Variants in NFIA observed in about 807,000 individuals in gnomAD.
The protein encoded by NFIA is nuclear factor I A.
Under a neutral mutation model 62.8 loss-of-function variants are expected in NFIA, and 8 were observed. That is an observed-to-expected ratio of 0.13 (90% CI 0.07 to 0.23). NFIA has a LOEUF of 0.23. NFIA is among the 10% of genes least tolerant of loss of function. The pLI is 1.00. For missense variants in NFIA, 410 were observed against 642.1 expected, an observed-to-expected ratio of 0.64 and a Z score of 3.91; for synonymous variants, 235 against 238.1, an observed-to-expected ratio of 0.99 and a Z score of 0.12.
chr1:61,267,580 C>G (rs1657252430), intron 2 of NFIA, among the ~76,000 whole-genome samples: 1 of 152,156 alleles, frequency 6.6e-6, no homozygotes, highest in Non-Finnish European at 1.5e-5. Context: ...CTTAATATTT[C>G]ACTTAAAAAA....
chr1:61,404,301 T>G lies in NFIA; in HGVS notation c.1254+19T>G. 1 of 1,581,970 alleles carries G rather than the reference T, an allele frequency of 6.3e-7. No individual in the cohort carries two copies. Among genetic ancestry groups the G allele is most frequent in the Non-Finnish European group, 8.6e-7 (1 of 1,165,902 alleles). ...CCTCAATGTAAGGAAACCTCTTTTTTTCCATTTCTTTAGAAATGTTAGCCG... is the reference window on the plus strand; with the variant it reads ...CCTCAATGTAAGGAAACCTCTTTTTGTCCATTTCTTTAGAAATGTTAGCCG... On this transcript the variant is annotated intron_variant, in intron 8 of 10. Coordinates refer to ENST00000403491, the MANE Select transcript of NFIA (RefSeq NM_001134673.4).
At chr1:61,179,100 A>G (rs1297929098) in intron 2 of NFIA, among the ~76,000 whole-genome samples, 1 of 152,248 alleles carries the variant, frequency 6.6e-6, no homozygotes, top group Non-Finnish European at 1.5e-5. Flanking sequence ...CAGAGAGACT[A>G]CGGTGTTTGT....
intron 10 of NFIA, among the ~76,000 whole-genome samples, chr1:61,441,455 C>T (rs187028934): frequency 1.4e-4 from 21 of 152,124 alleles, no homozygotes; most frequent in African/African-American, 4.3e-4. Context: ...TTCCCATCTA[C>T]CTTCACAGGC....
chr1:61,269,230 AAAG>A (rs1657365308), intron 2 of NFIA, among the ~76,000 whole-genome samples: 1 of 152,144 alleles, frequency 6.6e-6, no homozygotes, highest in Non-Finnish European at 1.5e-5. Flanking sequence ...AAAAAAAAAA[AAAG>A]AATTGGTTAT....
At chr1:61,388,051 G>T (rs1664791199) in intron 7 of NFIA, among the ~76,000 whole-genome samples, 1 of 152,184 alleles carries the variant, frequency 6.6e-6, no homozygotes, top group African/African-American at 2.4e-5. Flanking sequence ...CTCTCTGATA[G>T]TGGCTTTCTT....
chr1:61,156,834 T>A (rs1445957196), intron 2 of NFIA, among the ~76,000 whole-genome samples: 1 of 152,256 alleles, frequency 6.6e-6, no homozygotes, highest in Admixed American at 6.5e-5. Context: ...AAGGGTTTCC[T>A]CTTTAATTGA....
At chr1:61,284,458 G>A (rs868585725) in intron 3 of NFIA, among the ~76,000 whole-genome samples, 4 of 152,140 alleles carry the variant, frequency 2.6e-5, no homozygotes, top group East Asian at 1.9e-4. Flanking sequence ...CTCTGTGAAA[G>A]ATGAGGTGCC....
At chr1:61,148,993 C>T (rs772679770) in intron 2 of NFIA, among the ~76,000 whole-genome samples, 14 of 152,060 alleles carry the variant, frequency 9.2e-5, no homozygotes, top group Non-Finnish European at 1.5e-4. Flanking sequence ...CTGCCCCAGC[C>T]GCATGAGTAG....
At chr1:61,264,026 G>C (rs977626056) in intron 2 of NFIA, among the ~76,000 whole-genome samples, 7 of 152,016 alleles carry the variant, frequency 4.6e-5, no homozygotes, top group Middle Eastern at 3.2e-3. Context: ...AAATGATACA[G>C]AGTTGAATGA....
intron 4 of NFIA, among the ~76,000 whole-genome samples, chr1:61,348,283 TC>T (rs1662356515): frequency 6.6e-6 from 1 of 152,250 alleles, no homozygotes; most frequent in Non-Finnish European, 1.5e-5. Flanking sequence ...AGGGGGATGT[TC>T]CTTTATAAGA....
At chr1:61,157,949 T>G (rs1008851717) in intron 2 of NFIA, among the ~76,000 whole-genome samples, 1 of 152,234 alleles carries the variant, frequency 6.6e-6, no homozygotes, top group East Asian at 1.9e-4. Context: ...CTCTGTAAAT[T>G]GTTATGTGTG....
chr1:61,077,627 TG>T, upstream of NFIA: 1 of 1,425,398 alleles, frequency 7.0e-7, no homozygotes, highest in Non-Finnish European at 9.3e-7. Flanking sequence ...TACATTGCAA[TG>T]GTACGTGGTA....
intron 3 of NFIA, among the ~76,000 whole-genome samples, chr1:61,283,990 T>C (rs563635630): frequency 4.6e-5 from 7 of 152,326 alleles, no homozygotes; most frequent in African/African-American, 1.4e-4. Flanking sequence ...GAAGGAGCAT[T>C]CTAGCACCAT....
At chr1:61,265,153 C>T (rs995160907) in intron 2 of NFIA, among the ~76,000 whole-genome samples, 3 of 152,148 alleles carry the variant, frequency 2.0e-5, no homozygotes, top group Non-Finnish European at 2.9e-5. Context: ...ACTGGAAAAT[C>T]ACTGACTAAT....
intron 2 of NFIA, among the ~76,000 whole-genome samples, chr1:61,243,582 T>G (rs1421722596): frequency 6.6e-6 from 1 of 152,212 alleles, no homozygotes; most frequent in Non-Finnish European, 1.5e-5. Context: ...CATTGATGAT[T>G]TATTCAGATG....
intron 2 of NFIA, among the ~76,000 whole-genome samples, chr1:61,232,917 C>G (rs1267599964): frequency 1.3e-5 from 2 of 152,034 alleles, no homozygotes; most frequent in Non-Finnish European, 2.9e-5. Context: ...ATTCATTTGG[C>G]AAGAATTTTT....
chr1:61,171,554 A>G (rs558480367), intron 2 of NFIA, among the ~76,000 whole-genome samples: 1 of 152,338 alleles, frequency 6.6e-6, no homozygotes, highest in East Asian at 1.9e-4. Flanking sequence ...AACATTGAAT[A>G]TAGGATTTGA....
chr1:61,107,143 A>G (rs1646617591), intron 2 of NFIA, among the ~76,000 whole-genome samples: 1 of 151,606 alleles, frequency 6.6e-6, no homozygotes, highest in Non-Finnish European at 1.5e-5. Flanking sequence ...TGTCTTCTAG[A>G]GCAAGTGTGT....
chr1:61,336,749 A>G (rs1318584741), intron 4 of NFIA, among the ~76,000 whole-genome samples: 5 of 152,164 alleles, frequency 3.3e-5, no homozygotes, highest in African/African-American at 1.2e-4. Flanking sequence ...TGATGGTCTC[A>G]GTGTCCTACA....
Sources: gnomAD v4.1 joint callset for allele counts (sites outside exome capture counted in the v4.1 genomes callset) on GRCh38, gnomAD v4.1.1 for gene constraint, MANE v1.5 for transcripts, NCBI Gene and HGNC (gene_info 2026-07-23, HGNC 2026-07-21) for gene names.